The following PDE1C variants were observed in gnomAD, a reference collection of about 807,000 sequenced individuals.
PDE1C encodes the protein dual specificity calcium/calmodulin-dependent 3',5'-cyclic nucleotide phosphodiesterase 1C.
A neutral mutation model predicts 93.1 loss-of-function variants in PDE1C; 62 were observed. The observed-to-expected ratio is 0.67, with a 90% CI of 0.54 to 0.82. The LOEUF (loss-of-function observed/expected upper bound fraction) is 0.82, where lower values mean the gene tolerates loss of function less well. Among genes scored for constraint, PDE1C ranks in the 40% least tolerant of loss-of-function variants. The probability of loss-of-function intolerance (pLI) is 0.00; values close to 1 mark genes in which losing one functional copy is unlikely to be tolerated. For synonymous variants in PDE1C, 325 were observed against 310.1 expected (o/e 1.05, Z -0.50); for missense variants, 742 against 884.6 (o/e 0.84, Z 2.04).
chr7:31,936,010 G>A (rs539861086), intron 2 of PDE1C, among the ~76,000 whole-genome samples: 133 of 152,254 alleles, frequency 8.7e-4, no homozygotes, highest in Non-Finnish European at 1.5e-3. Flanking sequence ...AGGGAATGCC[G>A]TCTGTAAGAT....
intron 2 of PDE1C, among the ~76,000 whole-genome samples, chr7:32,051,150 T>A (rs1793299665): frequency 6.6e-6 from 1 of 152,234 alleles, no homozygotes; most frequent in Admixed American, 6.5e-5. Flanking sequence ...CAGCATTTTG[T>A]CAGCAAATCA....
intron 3 of PDE1C, among the ~76,000 whole-genome samples, chr7:32,098,552 G>T (rs1797889847): frequency 6.6e-6 from 1 of 152,136 alleles, no homozygotes; most frequent in South Asian, 2.1e-4. Context: ...AGTAAAGAAA[G>T]ATAAGTAGAA....
chr7:32,253,528 T>C (rs1024073688), intron 1 of PDE1C, among the ~76,000 whole-genome samples: 2 of 152,234 alleles, frequency 1.3e-5, no homozygotes, highest in Admixed American at 6.5e-5. Context: ...TTTTCACTGC[T>C]CTCTCATCTC....
intron 16 of PDE1C, among the ~76,000 whole-genome samples, chr7:31,801,074 C>G (rs973858124): frequency 6.6e-6 from 1 of 150,568 alleles, no homozygotes; most frequent in African/African-American, 2.4e-5. Context: ...GTAACCATGA[C>G]TTTCACCTTA....
chr7:32,231,037 G>A (rs947358874), intron 1 of PDE1C, among the ~76,000 whole-genome samples: 1 of 152,134 alleles, frequency 6.6e-6, no homozygotes, highest in Non-Finnish European at 1.5e-5. Context: ...GAAACACCCT[G>A]AAAGAAGGTC....
chr7:31,823,118 C>T lies in PDE1C; in HGVS notation c.1537G>A (p.Val513Met). Residue 513 changes from valine to methionine, a missense_variant, in exon 14 of 18, where the codon GTG becomes ATG. Val to Met is a conservative substitution (Grantham distance 21). Transcript: ENST00000396191. Reference sequence around the variant, plus strand: ...CATCTCTCCCGATTGATGTGCACCACTTCCGTCCAAGTAGCTTTAAAGCTC... The same window carrying T: ...CATCTCTCCCGATTGATGTGCACCATTTCCGTCCAAGTAGCTTTAAAGCTC... ...YKSFKATWTE[V>M]VHINRERWRA... 1 of 1,613,248 alleles carries T rather than the reference C, an allele frequency of 6.2e-7. No homozygotes were observed. The highest frequency in any genetic ancestry group is 8.5e-7 in the Non-Finnish European group (1 of 1,179,454).
chr7:32,189,821 A>T (rs548584195), intron 2 of PDE1C, among the ~76,000 whole-genome samples: 7 of 152,316 alleles, frequency 4.6e-5, no homozygotes, highest in Middle Eastern at 3.4e-3. Context: ...TTTTGCCCAA[A>T]CTAGCCTTTG....
At chr7:31,901,112 A>G (rs934364714) in intron 2 of PDE1C, among the ~76,000 whole-genome samples, 2 of 145,916 alleles carry the variant, frequency 1.4e-5, no homozygotes, top group Non-Finnish European at 3.0e-5. Context: ...TAAGGCAAGG[A>G]TGCCCTCTAG....
intron 1 of PDE1C, among the ~76,000 whole-genome samples, chr7:32,405,253 CT>C (rs59015406): frequency 0.043 from 5,902 of 138,684 alleles, 144 homozygotes; most frequent in African/African-American, 0.084. Flanking sequence ...TTTCTTTTTT[CT>C]TTTTTTTTTT....
chr7:31,679,270 T>A, the PDE1C span, among the ~76,000 whole-genome samples: 1 of 152,182 alleles, frequency 6.6e-6, no homozygotes, highest in Non-Finnish European at 1.5e-5. Flanking sequence ...GACCTTCTCA[T>A]TGGCAAAAGG....
chr7:32,329,908 G>T (rs965827893), intron 1 of PDE1C, among the ~76,000 whole-genome samples: 4 of 152,200 alleles, frequency 2.6e-5, no homozygotes, highest in Admixed American at 2.0e-4. Flanking sequence ...CTTGGAGCCT[G>T]TTTCCAGCAC....
chr7:31,964,453 G>T (rs1327634204), intron 2 of PDE1C, among the ~76,000 whole-genome samples: 1 of 152,242 alleles, frequency 6.6e-6, no homozygotes, highest in Non-Finnish European at 1.5e-5. Flanking sequence ...AAACAAAGCA[G>T]CTGGGAAGCT....
intron 1 of PDE1C, among the ~76,000 whole-genome samples, chr7:32,255,207 G>C (rs1809697624): frequency 6.6e-6 from 1 of 152,052 alleles, no homozygotes; most frequent in Admixed American, 6.6e-5. Context: ...TGAGTTCATG[G>C]GAGTCAAGGC....
intron 6 of PDE1C, among the ~76,000 whole-genome samples, chr7:31,870,079 C>A (rs1795749256): frequency 6.6e-6 from 1 of 151,778 alleles, no homozygotes; most frequent in Admixed American, 6.6e-5. Context: ...CTAAACATAT[C>A]AAATGCTATG....
intron 2 of PDE1C, among the ~76,000 whole-genome samples, chr7:31,883,613 G>A (rs1797516347): frequency 6.6e-6 from 1 of 152,182 alleles, no homozygotes; most frequent in African/African-American, 2.4e-5. Context: ...TGGATGTATA[G>A]CCACTAATTT....
At chr7:32,114,881 C>G (rs775162582) in intron 3 of PDE1C, among the ~76,000 whole-genome samples, 5 of 152,196 alleles carry the variant, frequency 3.3e-5, no homozygotes, top group Non-Finnish European at 7.3e-5. Context: ...CATCACTGAT[C>G]ATTAGAGAAA....
intron 1 of PDE1C, among the ~76,000 whole-genome samples, chr7:32,414,622 A>T (rs1785235892): frequency 6.6e-6 from 1 of 151,772 alleles, no homozygotes; most frequent in African/African-American, 2.4e-5. Context: ...AGCATCAAGT[A>T]TCTCCTTTCC....
At chr7:31,637,270 T>G in the PDE1C span, among the ~76,000 whole-genome samples, 1 of 152,164 alleles carries the variant, frequency 6.6e-6, no homozygotes, top group African/African-American at 2.4e-5. Context: ...GATGGCTGGG[T>G]CAAATGGTAT....
rs1452101093 is a variant in PDE1C, at chr7:32,420,162, T to C, written c.310+7660A>G. Among the ~76,000 whole-genome samples the C allele has an allele frequency of 3.5e-4, 19 of 53,784 alleles. 4 individuals carry two copies. The highest frequency in any genetic ancestry group is 1.0e-3 in the African/African-American group (17 of 16,362). The allele number at this position is 53,784 out of a possible 152,430, so 35.3% of individuals were successfully genotyped here. On this transcript the variant is annotated intron_variant, in intron 1 of 1. Coordinates refer to the PDE1C transcript ENST00000672256. ...ACACACACACACACACACACACATA[T>C]ATATGTGTATATATATACACATATA... is the stretch of plus-strand genomic sequence containing the variant.
Sources: allele counts gnomAD v4.1 joint callset (sites outside exome capture counted in the v4.1 genomes callset), GRCh38; gene constraint gnomAD v4.1.1; transcripts MANE v1.5; gene names NCBI Gene and HGNC (gene_info 2026-07-23, HGNC 2026-07-21).